Variants in GLIS3 observed in about 807,000 individuals in gnomAD.
GLIS3 encodes the protein zinc finger protein GLIS3.
A neutral mutation model predicts 78.6 loss-of-function variants in GLIS3; 53 were observed. That is an observed-to-expected ratio of 0.67 (90% CI 0.54 to 0.85). The LOEUF (loss-of-function observed/expected upper bound fraction) is 0.85, where lower values mean the gene tolerates loss of function less well. Among genes scored for constraint, GLIS3 ranks in the 40% least tolerant of loss-of-function variants. The pLI is 0.00. For synonymous variants in GLIS3, 684 were observed against 509.9 expected, an observed-to-expected ratio of 1.34 and a Z score of -4.60; for missense variants, 1,703 against 1,231.1, an observed-to-expected ratio of 1.38 and a Z score of -5.74.
chr9:4,271,568 C>G (rs4237149), intron 2 of GLIS3, among the ~76,000 whole-genome samples: 49 of 152,316 alleles, frequency 3.2e-4, no homozygotes, highest in Middle Eastern at 6.8e-3. Flanking sequence ...GCAGCATAAG[C>G]AAGTGGCATA....
intron 1 of GLIS3, among the ~76,000 whole-genome samples, chr9:4,295,623 G>C (rs1284956376): frequency 3.3e-5 from 5 of 152,208 alleles, no homozygotes; most frequent in Non-Finnish European, 7.3e-5. Flanking sequence ...CTTAGGCAGA[G>C]GTGGTAACTA....
chr9:4,158,605 G>C (rs985759948), intron 2 of GLIS3, among the ~76,000 whole-genome samples: 1 of 152,060 alleles, frequency 6.6e-6, no homozygotes, highest in Non-Finnish European at 1.5e-5. Flanking sequence ...ACTTTGTTAA[G>C]GTTTTCACTA....
At chr9:4,419,610 T>A in the GLIS3 span, among the ~76,000 whole-genome samples, 1 of 152,000 alleles carries the variant, frequency 6.6e-6, no homozygotes, top group South Asian at 2.1e-4. Context: ...TGAAACCCCA[T>A]CTCTACTAAA....
intron 2 of GLIS3, among the ~76,000 whole-genome samples, chr9:4,218,703 T>G (rs919369443): frequency 6.6e-5 from 10 of 152,236 alleles, no homozygotes; most frequent in Non-Finnish European, 1.5e-5. Flanking sequence ...GATTTTTTTA[T>G]GTTTATTAAT....
intron 8 of GLIS3, among the ~76,000 whole-genome samples, chr9:3,857,958 G>A (rs1051846835): frequency 4.6e-5 from 7 of 152,118 alleles, no homozygotes; most frequent in Non-Finnish European, 8.8e-5. Context: ...AGACTTTAGG[G>A]GCAGAAGGAA....
chr9:4,073,040 C>T (rs979291816), intron 4 of GLIS3, among the ~76,000 whole-genome samples: 2 of 151,884 alleles, frequency 1.3e-5, no homozygotes, highest in African/African-American at 2.4e-5. Flanking sequence ...AAAAATTGGT[C>T]CCTTAAGTAA....
chr9:4,398,455 A>G, the GLIS3 span, among the ~76,000 whole-genome samples: 1 of 151,952 alleles, frequency 6.6e-6, no homozygotes, highest in African/African-American at 2.4e-5. Flanking sequence ...TCATACCCTT[A>G]CAACCCATGC....
chr9:3,838,828 T>C (rs1372197445), intron 9 of GLIS3, among the ~76,000 whole-genome samples: 1 of 152,208 alleles, frequency 6.6e-6, no homozygotes, highest in East Asian at 1.9e-4. Context: ...GGGATATTTG[T>C]GGAGCCCTTG....
At chr9:4,408,138 A>C in the GLIS3 span, among the ~76,000 whole-genome samples, 1 of 152,218 alleles carries the variant, frequency 6.6e-6, no homozygotes, top group Non-Finnish European at 1.5e-5. Flanking sequence ...GAATGTGGAG[A>C]AAAGGGAACC....
At chr9:3,950,899 G>A (rs1003676723) in intron 4 of GLIS3, among the ~76,000 whole-genome samples, 2 of 152,116 alleles carry the variant, frequency 1.3e-5, no homozygotes, top group Admixed American at 6.5e-5. Flanking sequence ...TTGAAACTAT[G>A]CTTCTAGGGC....
chr9:3,908,380 G>C (rs1049883057), intron 6 of GLIS3, among the ~76,000 whole-genome samples: 7 of 152,176 alleles, frequency 4.6e-5, no homozygotes, highest in African/African-American at 1.7e-4. Context: ...GAAGGCTCAT[G>C]GACATAGACT....
At chr9:4,010,178 G>C (rs146277271) in intron 4 of GLIS3, among the ~76,000 whole-genome samples, 4 of 152,270 alleles carry the variant, frequency 2.6e-5, no homozygotes, top group African/African-American at 9.6e-5. Flanking sequence ...TGTCAATGGA[G>C]AGCCACAGGT....
At chr9:3,855,248 C>T (rs374148881) in intron 9 of GLIS3, among the ~76,000 whole-genome samples, 19 of 152,124 alleles carry the variant, frequency 1.2e-4, no homozygotes, top group Admixed American at 1.2e-3. Flanking sequence ...TGCATATTCC[C>T]CATTAAACAC....
chr9:4,396,422 C>T, the GLIS3 span, among the ~76,000 whole-genome samples: 4 of 152,164 alleles, frequency 2.6e-5, no homozygotes, highest in African/African-American at 9.7e-5. Context: ...AGCCACCATG[C>T]CCAGCCCATT....
chr9:4,466,169 A>T, the GLIS3 span, among the ~76,000 whole-genome samples: 1 of 152,260 alleles, frequency 6.6e-6, no homozygotes, highest in East Asian at 1.9e-4. Context: ...AGGGTATATA[A>T]TGAACAACTT....
chr9:4,103,094 A>C (rs1830494873), intron 4 of GLIS3, among the ~76,000 whole-genome samples: 1 of 152,194 alleles, frequency 6.6e-6, no homozygotes, highest in African/African-American at 2.4e-5. Context: ...AACATCATAA[A>C]ATTTTCCAAA....
the GLIS3 span, among the ~76,000 whole-genome samples, chr9:4,406,351 T>G: frequency 6.6e-6 from 1 of 152,202 alleles, no homozygotes; most frequent in African/African-American, 2.4e-5. Flanking sequence ...TTTGCTCTTG[T>G]CTCTTGTTGC....
intron 7 of GLIS3, among the ~76,000 whole-genome samples, chr9:3,889,266 G>T (rs1383748314): frequency 1.3e-5 from 2 of 152,162 alleles, no homozygotes; most frequent in South Asian, 2.1e-4. Context: ...GGCTGCTTCT[G>T]CAGGTGTCTT....
At chr9:4,427,180 T>G in the GLIS3 span, among the ~76,000 whole-genome samples, 2 of 152,184 alleles carry the variant, frequency 1.3e-5, no homozygotes, top group Non-Finnish European at 1.5e-5. Context: ...AGTTGGATGC[T>G]CCATTGAGAA....
Sources: gnomAD v4.1 joint callset for allele counts (sites outside exome capture counted in the v4.1 genomes callset) on GRCh38, gnomAD v4.1.1 for gene constraint, MANE v1.5 for transcripts, NCBI Gene and HGNC (gene_info 2026-07-23, HGNC 2026-07-21) for gene names.